EVC2: variants seen among roughly 807,000 people sequenced by gnomAD.
The protein encoded by EVC2 is EvC ciliary complex subunit 2.
In EVC2, 148 loss-of-function variants were observed where a neutral mutation model predicts 149.3. The ratio of observed to expected loss-of-function variants is 0.99; its 90% confidence interval spans 0.87 to 1.14. EVC2 has a LOEUF of 1.14. Among genes scored for constraint, EVC2 ranks in the 50% most tolerant of loss-of-function variants. The pLI, the probability that EVC2 is intolerant of heterozygous loss-of-function variation, is 0.00. For missense variants in EVC2, 1,854 were observed against 1,627.3 expected, an observed-to-expected ratio of 1.14 and a Z score of -2.40; for synonymous variants, 776 against 649.9, an observed-to-expected ratio of 1.19 and a Z score of -2.95.
intron 7 of EVC2, among the ~76,000 whole-genome samples, chr4:5,674,943 G>A (rs1719896542): frequency 6.6e-6 from 1 of 152,124 alleles, no homozygotes; most frequent in Non-Finnish European, 1.5e-5. Flanking sequence ...CACGGAGAAG[G>A]CAAAAATGAT....
rs1560180527 is a variant in EVC2 at position 5,631,950 on chromosome 4, T to C, written c.1553A>G (p.Gln518Arg). 13 of 1,614,106 alleles carry C rather than the reference T, an allele frequency of 8.1e-6. No individual in the cohort carries two copies. The highest frequency in any genetic ancestry group is 1.3e-5 in the African/African-American group (1 of 74,926). ...GTGAGCTTTGGCAAAGTCTTCTTCT[T>C]GTTGCAAAGCGAGAGACTTCCTCAA... Reference protein sequence around the residue: ...EHLRKSLALQQEEDFAKAHRQ... With the variant: ...EHLRKSLALQREEDFAKAHRQ... The change falls in exon 11 of 22, where the codon CAA (glutamine) becomes CGA (arginine). Residue 518 changes from glutamine (Q) to arginine (R), a missense_variant. By Grantham distance (43) the Gln-to-Arg change is conservative. Transcript: ENST00000344408.
chr4:5,633,840 C>G lies in EVC2; in HGVS notation c.1471-1808G>C, dbSNP rs1463049978. On this transcript the variant is annotated intron_variant, in intron 10 of 21. Transcript: ENST00000344408. The surrounding 1 kb of genome is among the most constrained non-coding windows in gnomAD (Gnocchi z 4.4). ...ATAGCATCACTTGCTCCCCAATTTC[C>G]CAAGTCACAGACCTGCTCACCTCCA... Among the ~76,000 whole-genome samples, 1 of 152,224 alleles carries G rather than the reference C, an allele frequency of 6.6e-6. No homozygotes were observed. Among genetic ancestry groups the G allele is most frequent in the African/African-American group, 2.4e-5 (1 of 41,462 alleles).
chr4:5,598,312 C>T (rs1577138801), intron 16 of EVC2, among the ~76,000 whole-genome samples: 1 of 151,838 alleles, frequency 6.6e-6, no homozygotes, highest in Middle Eastern at 3.4e-3. Flanking sequence ...TACCTGACTT[C>T]AAACTATACT....
At chr4:5,676,417 T>C (rs972254043) in intron 7 of EVC2, among the ~76,000 whole-genome samples, 1 of 152,194 alleles carries the variant, frequency 6.6e-6, no homozygotes, top group African/African-American at 2.4e-5. Flanking sequence ...AACTGCCTGA[T>C]GCAAATGTCA....
At chr4:5,565,227 C>T in intron 21 of EVC2, 31 bp downstream of exon 21, 3 of 1,608,662 alleles carry the variant, frequency 1.9e-6, no homozygotes, top group Non-Finnish European at 2.6e-6. Flanking sequence ...TCACCCCCTC[C>T]CCAGCCACAT....
intron 21 of EVC2, among the ~76,000 whole-genome samples, chr4:5,555,775 G>C (rs1721827555): frequency 6.6e-6 from 1 of 152,122 alleles, no homozygotes; most frequent in African/African-American, 2.4e-5. Flanking sequence ...GGCCTGAATA[G>C]CACTCTCAAT....
At chr4:5,663,477 T>C (rs899234505) in intron 8 of EVC2, among the ~76,000 whole-genome samples, 3 of 152,146 alleles carry the variant, frequency 2.0e-5, no homozygotes, top group African/African-American at 7.2e-5. Flanking sequence ...GTTGTGTGGG[T>C]AAAGTGGAAC....
At chr4:5,700,532 T>C (rs891567745) in intron 1 of EVC2, among the ~76,000 whole-genome samples, 4 of 152,138 alleles carry the variant, frequency 2.6e-5, no homozygotes, top group Admixed American at 6.5e-5. Flanking sequence ...CCAGTGGACA[T>C]TGCCACTCAG....
chr4:5,638,771 G>A (rs541283244), intron 10 of EVC2, among the ~76,000 whole-genome samples: 6 of 152,210 alleles, frequency 3.9e-5, no homozygotes, highest in Non-Finnish European at 1.5e-5. Context: ...AGATGAGAGG[G>A]TTACCAGGGA....
Position 5,618,529 on chromosome 4 carries a change from T to C in EVC2, c.2655A>G (p.Arg885=). 6.2e-7 allele frequency: 1 copy of C among 1,614,016 alleles called. No homozygotes were observed. The highest frequency in any genetic ancestry group is 8.5e-7 in the Non-Finnish European group (1 of 1,180,030). The part of the protein sequence containing the change: ...VLLQQFQTAW[R]EAEFVKLDQA... ...GGTCCAGCTTCACGAACTCTGCTTC[T>C]CGCCACGCAGTCTGAAATTGCTGCA... Residue 885 remains arginine, a synonymous_variant, in exon 15 of 22, where the codon CGA becomes CGG. Coordinates refer to ENST00000344408, the MANE Select transcript of EVC2 (RefSeq NM_147127.5). The surrounding 1 kb of genome is among the most constrained non-coding windows in gnomAD (Gnocchi z 4.4).
intron 16 of EVC2, among the ~76,000 whole-genome samples, chr4:5,594,422 C>T (rs1380811245): frequency 6.6e-5 from 10 of 152,252 alleles, no homozygotes; most frequent in Admixed American, 1.3e-4. Flanking sequence ...CATGAAAATC[C>T]GCTGTTCTGC....
intron 21 of EVC2, among the ~76,000 whole-genome samples, chr4:5,553,764 C>T (rs10937655): frequency 0.29 from 44,351 of 152,084 alleles, 7,815 homozygotes; most frequent in East Asian, 0.86. Context: ...CACAATTCAA[C>T]TGATCCCAAC....
chr4:5,633,933 C>A lies in EVC2; in HGVS notation c.1471-1901G>T, dbSNP rs1716724859. 6.6e-6 allele frequency among the ~76,000 whole-genome samples: 1 copy of A among 152,238 alleles called. No homozygotes were observed. On this transcript the variant is annotated intron_variant, in intron 10 of 21. Coordinates refer to ENST00000344408, the MANE Select transcript of EVC2 (RefSeq NM_147127.5). This position sits in a 1 kb window ranked among gnomAD's most constrained non-coding sequence, Gnocchi z 4.4. The stretch of plus-strand genomic sequence containing the variant: ...CTCTAGCTTTCTCCGTCTCTCCAGT[C>A]CCTTTTACTTATTGTTTGATTTGTT...
chr4:5,536,548 G>A, the EVC2 span, among the ~76,000 whole-genome samples: 1 of 152,116 alleles, frequency 6.6e-6, no homozygotes, highest in Non-Finnish European at 1.5e-5. Flanking sequence ...ACTTTGGGAG[G>A]CCAAGGCGGG....
chr4:5,665,668 A>T lies in EVC2; in HGVS notation c.871-19T>A, dbSNP rs769834102. ...GCAGAACCTGTGGAGACAAGAGGAG[A>T]GCAGGATTCATGTGTGGTCAGACAG... On this transcript the variant is annotated intron_variant, in intron 7 of 21. Transcript: ENST00000344408. 1.2e-6 allele frequency: 2 copies of T among 1,613,584 alleles called. No individual in the cohort carries two copies. Among genetic ancestry groups the T allele is most frequent in the Admixed American group, 3.3e-5 (2 of 59,964 alleles).
intron 1 of EVC2, among the ~76,000 whole-genome samples, chr4:5,702,739 T>C (rs1431135167): frequency 6.6e-6 from 1 of 152,232 alleles, no homozygotes; most frequent in Non-Finnish European, 1.5e-5. Context: ...CACAGAAATC[T>C]TGTGTTCAGG....
intron 16 of EVC2, among the ~76,000 whole-genome samples, chr4:5,599,128 G>C (rs1344161107): frequency 1.3e-5 from 2 of 151,902 alleles, no homozygotes; most frequent in Non-Finnish European, 2.9e-5. Context: ...TGGTGGGACT[G>C]TAAACTAGTT....
chr4:5,615,542 T>C lies in EVC2; in HGVS notation c.2709A>G (p.Gln903=). 1 of 1,614,168 alleles carries C rather than the reference T, an allele frequency of 6.2e-7. No homozygotes were observed. The highest frequency in any genetic ancestry group is 8.5e-7 in the Non-Finnish European group (1 of 1,180,022). Residue 903 remains glutamine, a splice_region_variant and synonymous_variant, in exon 16 of 22, where the codon CAA becomes CAG. Coordinates refer to ENST00000344408, the MANE Select transcript of EVC2 (RefSeq NM_147127.5). The part of the protein sequence containing the change: ...DQAVAAPELQ[Q]QSKVRKSRSK... Reference sequence around the variant, plus strand: ...ACCGTGACTTTCTCACCTTGGACTGTTGCTGGAGAGGGGTTGGGGAAGACG... The same window carrying C: ...ACCGTGACTTTCTCACCTTGGACTGCTGCTGGAGAGGGGTTGGGGAAGACG...
At chr4:5,674,030 G>A (rs1477955039) in intron 7 of EVC2, among the ~76,000 whole-genome samples, 1 of 150,000 alleles carries the variant, frequency 6.7e-6, no homozygotes, top group Non-Finnish European at 1.5e-5. Context: ...GAACATGGGA[G>A]ATGAGACGAA....
Sources: allele counts gnomAD v4.1 joint callset (sites outside exome capture counted in the v4.1 genomes callset), GRCh38; gene constraint gnomAD v4.1.1; non-coding constraint Gnocchi (gnomAD v3.1); transcripts MANE v1.5; gene names NCBI Gene and HGNC (gene_info 2026-07-23, HGNC 2026-07-21).